DISP3: variants seen among roughly 807,000 people sequenced by gnomAD.
DISP3 encodes the protein dispatched RND transporter family member 3.
A neutral mutation model predicts 135.3 loss-of-function variants in DISP3; 101 were observed. That is an observed-to-expected ratio of 0.75 (90% confidence interval 0.64 to 0.88). The LOEUF is 0.88. DISP3 is among the 40% of genes least tolerant of loss of function. DISP3 has a pLI of 0.00. For missense variants in DISP3, 1,713 were observed against 1,878.6 expected (o/e 0.91, Z 1.63); for synonymous variants, 856 against 817.0 (o/e 1.05, Z -0.81).
chr1:11,514,621 G>A (rs1641950517), intron 4 of DISP3, 95 bp downstream of exon 4: 11 of 1,455,562 alleles, frequency 7.6e-6, no homozygotes, highest in Admixed American at 5.3e-5. Flanking sequence ...ATACTCTTGA[G>A]CCCAGCATGT....
Position 11,501,182 on chromosome 1 carries a change from C to T in DISP3, c.190C>T (p.Leu64=). 1 of 1,614,020 alleles carries T rather than the reference C, an allele frequency of 6.2e-7. No individual in the cohort carries two copies. The highest frequency in any genetic ancestry group is 8.5e-7 in the Non-Finnish European group (1 of 1,179,896). Residue 64 remains leucine (L), a synonymous_variant, in exon 2 of 21, where the codon CTG becomes TTG. Coordinates refer to ENST00000294484, the MANE Select transcript of DISP3 (RefSeq NM_020780.2). The surrounding 1 kb of genome is among the most constrained non-coding windows in gnomAD (Gnocchi z 4.9). The stretch of plus-strand genomic sequence containing the variant: ...CCCAGCTTCGGGCTTCTGGAGTACC[C>T]TGGGCTGGGCCTTCACCAATCCGTG... ...RPPASGFWST[L]GWAFTNPCCA...
Position 11,516,779 on chromosome 1 carries a change from T to C in DISP3, c.1749+618T>C, listed in dbSNP as rs2100457156. Among the ~76,000 whole-genome samples the C allele has an allele frequency of 6.6e-6, 1 of 152,268 alleles. No homozygotes were observed. Among genetic ancestry groups the C allele is most frequent in the African/African-American group, 2.4e-5 (1 of 41,550 alleles). Reference sequence around the variant, plus strand: ...AGCCCCTCTGGAAACCAGTAGATGCTTTAGGATTATCCAGGTCCTTCTAGA... The same window carrying C: ...AGCCCCTCTGGAAACCAGTAGATGCCTTAGGATTATCCAGGTCCTTCTAGA... On this transcript the variant is annotated intron_variant, in intron 6 of 20. Transcript: ENST00000294484. The surrounding 1 kb of genome is among the most constrained non-coding windows in gnomAD (Gnocchi z 5.1).
intron 20 of DISP3, among the ~76,000 whole-genome samples, chr1:11,535,914 C>G (rs535903390): frequency 2.6e-5 from 4 of 152,178 alleles, no homozygotes; most frequent in Non-Finnish European, 5.9e-5. Context: ...CTGCTTCACA[C>G]TGCCCCAGGT....
Position 11,501,599 on chromosome 1 carries a change from C to G in DISP3, c.607C>G (p.Leu203Val). Reference sequence around the variant, plus strand: ...GCCCACAGCCAATCGGAGCGGGCGACTTCGGCGTGAGACCCCGCCCCTGGA... The same window carrying G: ...GCCCACAGCCAATCGGAGCGGGCGAGTTCGGCGTGAGACCCCGCCCCTGGA... ...QKPTANRSGR[L>V]RRETPPLEDL... Residue 203 changes from leucine (L) to valine (V), a missense_variant, in exon 2 of 21, where the codon CTT (leucine) becomes GTT (valine). Transcript: ENST00000294484. This position sits in a 1 kb window ranked among gnomAD's most constrained non-coding sequence, Gnocchi z 4.9. The G allele has an allele frequency of 6.2e-7, 1 of 1,601,510 alleles. No homozygotes were observed. Among genetic ancestry groups the G allele is most frequent in the Non-Finnish European group, 8.5e-7 (1 of 1,173,372 alleles).
intron 1 of DISP3, 41 bp downstream of exon 1, chr1:11,479,413 G>A (rs1640828442): frequency 6.5e-6 from 1 of 152,794 alleles, no homozygotes; most frequent in Non-Finnish European, 1.5e-5. Flanking sequence ...GCTTGGTCTC[G>A]GGGCTGGGGG....
chr1:11,526,606 G>GC (rs757427725), intron 12 of DISP3, 45 bp from the exon 13 acceptor site: 66 of 1,583,732 alleles, frequency 4.2e-5, no homozygotes, highest in South Asian at 2.9e-4. Context: ...GGCCGAGGCA[G>GC]CCCCCCCGAG....
At chr1:11,530,721 T>A (rs2244400) in intron 15 of DISP3, among the ~76,000 whole-genome samples, 186 bp from the exon 16 acceptor site, 52,877 of 151,302 alleles carry the variant, frequency 0.35, 12,236 homozygotes, top group African/African-American at 0.65. Context: ...GGAGCAGATG[T>A]TGCTGGCGGG....
chr1:11,516,610 T>G lies in DISP3; in HGVS notation c.1749+449T>G, dbSNP rs1642019325. ...GATTCCCCTTCTGCCTGCTTCTGGC[T>G]GCATTTTCCTCCCTTGTGCTGACTT... On this transcript the variant is annotated intron_variant, in intron 6 of 20. Transcript: ENST00000294484. This position sits in a 1 kb window ranked among gnomAD's most constrained non-coding sequence, Gnocchi z 5.1. 6.6e-6 allele frequency among the ~76,000 whole-genome samples: 1 copy of G among 152,240 alleles called. No homozygotes were observed. The highest frequency in any genetic ancestry group is 2.4e-5 in the African/African-American group (1 of 41,464).
intron 1 of DISP3, among the ~76,000 whole-genome samples, chr1:11,494,125 T>C (rs2100381882): frequency 6.6e-6 from 1 of 152,226 alleles, no homozygotes; most frequent in East Asian, 1.9e-4. Flanking sequence ...TTCTGCCCCT[T>C]AGTAGCTGTG....
intron 1 of DISP3, among the ~76,000 whole-genome samples, chr1:11,494,521 A>C (rs1641276669): frequency 6.6e-6 from 1 of 152,226 alleles, no homozygotes; most frequent in Admixed American, 6.5e-5. Flanking sequence ...GATTCTCAGA[A>C]GACGGAGTAT....
chr1:11,492,818 G>A (rs1232241953), intron 1 of DISP3, among the ~76,000 whole-genome samples: 1 of 152,188 alleles, frequency 6.6e-6, no homozygotes, highest in African/African-American at 2.4e-5. Context: ...TCAGACAAGT[G>A]TGGAAAGTCA....
At chr1:11,509,588 A>G (rs1258638444) in intron 3 of DISP3, among the ~76,000 whole-genome samples, 2 of 152,188 alleles carry the variant, frequency 1.3e-5, no homozygotes, top group Admixed American at 1.3e-4. Context: ...TATTAGCTAT[A>G]AAAACATTTA....
intron 3 of DISP3, among the ~76,000 whole-genome samples, chr1:11,513,950 T>G (rs199750226): frequency 2.0e-4 from 1 of 5,120 alleles, no homozygotes. Flanking sequence ...CTGGTTATGT[T>G]TTTTTTTTTT....
intron 15 of DISP3, among the ~76,000 whole-genome samples, chr1:11,530,552 C>T (rs1021750187): frequency 2.7e-4 from 41 of 151,624 alleles, no homozygotes; most frequent in African/African-American, 8.0e-4. Flanking sequence ...TGTCTGCAGG[C>T]GCTCGGAGCA....
At chr1:11,504,734 T>C (rs962628122) in intron 3 of DISP3, among the ~76,000 whole-genome samples, 1 of 152,202 alleles carries the variant, frequency 6.6e-6, no homozygotes, top group African/African-American at 2.4e-5. Flanking sequence ...CCTTCCTTCG[T>C]GTTATGATGC....
chr1:11,522,926 A>ACCCAGCCAGGACCCAGCCAGTG (rs1642284898), intron 10 of DISP3, among the ~76,000 whole-genome samples: 1 of 15,334 alleles, frequency 6.5e-5, no homozygotes, highest in African/African-American at 2.7e-4. Context: ...CCCAGCAAGG[A>ACCCAGCCAGGACCCAGCCAGTG]CCCAGCCAGG....
chr1:11,516,586 A>T lies in DISP3; in HGVS notation c.1749+425A>T, dbSNP rs906460740. ...GAGAAGCCTGACCAAGTCCATAGTG[A>T]TTCCCCTTCTGCCTGCTTCTGGCTG... is the stretch of plus-strand genomic sequence containing the variant. On this transcript the variant is annotated intron_variant, in intron 6 of 20. Coordinates refer to ENST00000294484, the MANE Select transcript of DISP3 (RefSeq NM_020780.2). This position sits in a 1 kb window ranked among gnomAD's most constrained non-coding sequence, Gnocchi z 5.1. Among the ~76,000 whole-genome samples the T allele has an allele frequency of 6.6e-6, 1 of 152,148 alleles. No individual in the cohort carries two copies. The highest frequency in any genetic ancestry group is 2.4e-5 in the African/African-American group (1 of 41,426).
Position 11,526,822 on chromosome 1 carries a change from C to T in DISP3, c.2785C>T (p.Gln929Ter). The change falls in exon 13 of 21, where the codon CAG becomes TAG. Residue 929 changes from glutamine to a stop codon, truncating the protein, a stop_gained. Coordinates refer to ENST00000294484, the MANE Select transcript of DISP3 (RefSeq NM_020780.2). LOFTEE classifies it high-confidence loss of function. ...CAGCTTCTACGTGGCCACCAAGGAGCAGCAGCACACCCGGTAACAGAGCCT... is the reference window on the plus strand; with the variant it reads ...CAGCTTCTACGTGGCCACCAAGGAGTAGCAGCACACCCGGTAACAGAGCCT... ...DFSFYVATKE[Q>*]QHTRKLYFAQ... The T allele has an allele frequency of 1.2e-6, 2 of 1,605,036 alleles. No individual in the cohort carries two copies. Among genetic ancestry groups the T allele is most frequent in the Non-Finnish European group, 8.5e-7 (1 of 1,179,420 alleles).
chr1:11,496,967 T>C (rs900645387), intron 1 of DISP3, among the ~76,000 whole-genome samples: 3 of 152,220 alleles, frequency 2.0e-5, no homozygotes, highest in African/African-American at 7.2e-5. Flanking sequence ...ACCACCAGTC[T>C]GGTGTGATGC....
Sources: allele counts gnomAD v4.1 joint callset (sites outside exome capture counted in the v4.1 genomes callset), GRCh38; gene constraint gnomAD v4.1.1; non-coding constraint Gnocchi (gnomAD v3.1); transcripts MANE v1.5; gene names NCBI Gene and HGNC (gene_info 2026-07-23, HGNC 2026-07-21).